Variants in IPO11 observed in about 807,000 individuals in gnomAD.
The protein encoded by IPO11 is importin-11.
In IPO11, 66 loss-of-function variants were observed where a neutral mutation model predicts 143.2. The ratio of observed to expected loss-of-function variants is 0.46; its 90% CI spans 0.38 to 0.57. The LOEUF (loss-of-function observed/expected upper bound fraction) is 0.57, where lower values mean the gene tolerates loss of function less well. Among genes scored for constraint, IPO11 ranks in the 20% least tolerant of loss-of-function variants. The probability of loss-of-function intolerance (pLI) is 0.00; values close to 1 mark genes in which losing one functional copy is unlikely to be tolerated. For synonymous variants in IPO11, 385 were observed against 377.8 expected (o/e 1.02, Z -0.22); for missense variants, 1,026 against 1,141.0 (o/e 0.90, Z 1.45).
rs377252535 is a variant in IPO11, at chr5:62,483,229, A to T, written c.957A>T (p.Gln319His). 1 of 1,611,338 alleles carries T rather than the reference A, an allele frequency of 6.2e-7. No individual in the cohort carries two copies. Among genetic ancestry groups the T allele is most frequent in the Admixed American group, 1.7e-5 (1 of 59,840 alleles). ...EGVTFERFIV[Q>H]CMNLIKMIVK... is the part of the protein sequence containing the mutation. Reference sequence around the variant, plus strand: ...TTACATTTGAACGATTCATTGTCCAATGTATGAATCTTATTAAGATGATTG... The same window carrying T: ...TTACATTTGAACGATTCATTGTCCATTGTATGAATCTTATTAAGATGATTG... Residue 319 changes from glutamine to histidine, a missense_variant, in exon 10 of 30, where the codon CAA (glutamine) becomes CAT (histidine). Around this residue, in one of 5 missense-constraint regions of IPO11, gnomAD observed 429 missense variants for 456.3 expected, o/e 0.94. Transcript: ENST00000325324.
intron 28 of IPO11, among the ~76,000 whole-genome samples, chr5:62,598,035 T>TAAGTA (rs747449188): frequency 6.6e-6 from 1 of 152,224 alleles, no homozygotes; most frequent in South Asian, 2.1e-4. Context: ...CACTGACAGA[T>TAAGTA]AAGTAATCTT....
chr5:62,430,407 A>G (rs1203612276), intron 1 of IPO11, among the ~76,000 whole-genome samples: 1 of 151,864 alleles, frequency 6.6e-6, no homozygotes, highest in African/African-American at 2.4e-5. Context: ...GTGGGCCTTG[A>G]CCTCCAGGGC....
chr5:62,585,439 C>A (rs765406628), intron 27 of IPO11, among the ~76,000 whole-genome samples: 4 of 152,196 alleles, frequency 2.6e-5, no homozygotes, highest in Admixed American at 2.6e-4. Context: ...AGATGGAAAG[C>A]CCCCTGTGAA....
At chr5:62,414,266 G>A (rs1743215720) in intron 1 of IPO11, among the ~76,000 whole-genome samples, 1 of 152,166 alleles carries the variant, frequency 6.6e-6, no homozygotes, top group South Asian at 2.1e-4. Flanking sequence ...TTGTAGGCAT[G>A]TGGCTATTAA....
At chr5:62,476,114 A>G (rs1745948457) in intron 8 of IPO11, among the ~76,000 whole-genome samples, 2 of 152,254 alleles carry the variant, frequency 1.3e-5, no homozygotes, top group African/African-American at 4.8e-5. Flanking sequence ...GTTTTCTAAA[A>G]ATAGTCATTT....
intron 1 of IPO11, among the ~76,000 whole-genome samples, chr5:62,433,580 A>T (rs923365186): frequency 1.3e-5 from 2 of 152,188 alleles, no homozygotes; most frequent in Non-Finnish European, 2.9e-5. Flanking sequence ...CCTAACAACT[A>T]CTGCAGTGTC....
At chr5:62,527,643 G>A (rs947686129) in intron 21 of IPO11, among the ~76,000 whole-genome samples, 7 of 151,974 alleles carry the variant, frequency 4.6e-5, no homozygotes, top group East Asian at 3.8e-4. Flanking sequence ...TATTAAAAGT[G>A]TAGATATTTT....
In IPO11 at chr5:62,483,097, A is replaced by G. The variant is rs1746268695; in HGVS notation, c.829-4A>G. 2 of 1,534,724 alleles carry G rather than the reference A, an allele frequency of 1.3e-6. No homozygotes were observed. Among genetic ancestry groups the G allele is most frequent in the South Asian group, 2.4e-5 (2 of 83,358 alleles). ...TTAATTTTTATTTATTTATTTTTCT[A>G]CAGCTTTTGGACTTCTTGGATCAGC... On this transcript the variant is annotated splice_polypyrimidine_tract_variant and splice_region_variant and intron_variant, in intron 9 of 29. Coordinates refer to ENST00000325324, the MANE Select transcript of IPO11 (RefSeq NM_016338.5).
chr5:62,480,389 T>C (rs2112217853), intron 9 of IPO11, among the ~76,000 whole-genome samples: 1 of 152,342 alleles, frequency 6.6e-6, no homozygotes, highest in Non-Finnish European at 1.5e-5. Context: ...TCCAGCTTTG[T>C]TCTTTTGGCT....
intron 27 of IPO11, among the ~76,000 whole-genome samples, chr5:62,573,379 A>G (rs1454982058): frequency 6.6e-6 from 1 of 152,172 alleles, no homozygotes; most frequent in Non-Finnish European, 1.5e-5. Flanking sequence ...AAAGGAGTTA[A>G]TCCTATATTC....
intron 2 of IPO11, among the ~76,000 whole-genome samples, chr5:62,438,767 G>A (rs1744334441): frequency 6.9e-6 from 1 of 145,426 alleles, no homozygotes; most frequent in African/African-American, 2.6e-5. Flanking sequence ...AAAAAAGGGG[G>A]GGAGCAGCGG....
chr5:62,523,593 G>A (rs1007686683), intron 20 of IPO11, among the ~76,000 whole-genome samples: 5 of 152,134 alleles, frequency 3.3e-5, no homozygotes, highest in Non-Finnish European at 1.5e-5. Context: ...AAATATTTAG[G>A]AGATATTTCT....
intron 3 of IPO11, among the ~76,000 whole-genome samples, chr5:62,444,016 G>C (rs1201180027): frequency 6.6e-6 from 1 of 151,792 alleles, no homozygotes; most frequent in East Asian, 1.9e-4. Flanking sequence ...ACATGTCCTT[G>C]AATAATATTG....
intron 16 of IPO11, among the ~76,000 whole-genome samples, chr5:62,498,824 C>T (rs1741243508): frequency 6.6e-6 from 1 of 152,124 alleles, no homozygotes; most frequent in Non-Finnish European, 1.5e-5. Flanking sequence ...GAGCCGAGAT[C>T]AAACCACCAT....
chr5:62,450,663 T>TA (rs34266204), intron 4 of IPO11, among the ~76,000 whole-genome samples: 80,058 of 144,444 alleles, frequency 0.55, 22,114 homozygotes, highest in South Asian at 0.69. Context: ...CCCCACCATT[T>TA]AAAAAAAAAA....
intron 20 of IPO11, among the ~76,000 whole-genome samples, chr5:62,520,711 A>G (rs1382275617): frequency 6.6e-6 from 1 of 152,174 alleles, no homozygotes; most frequent in Non-Finnish European, 1.5e-5. Flanking sequence ...GCGTAGTATT[A>G]CATAGTGTAT....
chr5:62,472,529 C>CTTTT (rs11398365), intron 7 of IPO11, among the ~76,000 whole-genome samples: 3 of 131,216 alleles, frequency 2.3e-5, no homozygotes, highest in African/African-American at 5.7e-5. Flanking sequence ...ATATAAAAAT[C>CTTTT]TTTTTTTTTT....
At chr5:62,435,050 GTA>G (rs1183563536) in intron 1 of IPO11, among the ~76,000 whole-genome samples, 41 of 101,204 alleles carry the variant, frequency 4.1e-4, no homozygotes, top group African/African-American at 1.3e-3. Context: ...ATGTATATGT[GTA>G]TATATATATG....
At chr5:62,414,106 A>G (rs932032050) in intron 1 of IPO11, among the ~76,000 whole-genome samples, 1 of 152,194 alleles carries the variant, frequency 6.6e-6, no homozygotes, top group African/African-American at 2.4e-5. Flanking sequence ...GCCAAAGAGA[A>G]TTTTCACCAC....
Sources: gnomAD v4.1 joint callset for allele counts (sites outside exome capture counted in the v4.1 genomes callset) on GRCh38, gnomAD v4.1.1 for gene constraint, gnomAD v4.1.1 regional missense constraint, MANE v1.5 for transcripts, NCBI Gene and HGNC (gene_info 2026-07-23, HGNC 2026-07-21) for gene names.